FANCB: variants seen among roughly 807,000 people sequenced by gnomAD.
The protein encoded by FANCB is Fanconi anemia group B protein.
Under a neutral mutation model 38.9 loss-of-function variants are expected in FANCB, and 5 were observed. The observed-to-expected ratio is 0.13, with a 90% CI of 0.07 to 0.27. FANCB has a LOEUF of 0.27. Ranked by LOEUF, FANCB falls within the 10% of genes least tolerant of loss-of-function variation. FANCB has a pLI of 1.00. For synonymous variants in FANCB, 236 were observed against 215.4 expected (o/e 1.10, Z -0.84); for missense variants, 573 against 602.7 (o/e 0.95, Z 0.52).
chrX:14,818,631 T>A, the FANCB span, among the ~76,000 whole-genome samples: 709 of 111,102 alleles, frequency 6.4e-3, 8 homozygotes, highest in African/African-American at 0.022. Context: ...CACTATCTGG[T>A]AGAAATATAA....
In FANCB at chrX:14,843,640, C is replaced by T; in HGVS notation, c.2507G>A (p.Arg836Lys). The change falls in exon 10 of 10, where the codon AGA becomes AAA. Residue 836 changes from arginine to lysine, a missense_variant. By Grantham distance (26) the Arg-to-Lys change is conservative. Transcript: ENST00000650831. ...TNLKVSGALY[R>K]EITLKVAEVQ... ...CTCAGCTACTTTCAAAGTTATTTCT[C>T]TGTAAAGGGCACCACTCACTTTTAG... 1 of 1,209,275 alleles carries T rather than the reference C, an allele frequency of 8.3e-7. No individual in the cohort carries two copies. Among genetic ancestry groups the T allele is most frequent in the Non-Finnish European group, 1.1e-6 (1 of 893,868 alleles).
the FANCB span, among the ~76,000 whole-genome samples, chrX:14,806,015 T>C: frequency 8.9e-6 from 1 of 112,468 alleles, no homozygotes; most frequent in Non-Finnish European, 1.9e-5. Flanking sequence ...CAGAAAATGC[T>C]AATCTGAAAA....
chrX:14,704,365 T>TC, the FANCB span, among the ~76,000 whole-genome samples: 1 of 112,239 alleles, frequency 8.9e-6, no homozygotes, highest in African/African-American at 3.2e-5. Context: ...ATTCTTTTTT[T>TC]CCACTTTAAA....
At chrX:14,767,041 T>C in the FANCB span, among the ~76,000 whole-genome samples, 15 of 112,460 alleles carry the variant, frequency 1.3e-4, no homozygotes, top group African/African-American at 4.2e-4. Flanking sequence ...TTTTTATGGC[T>C]GCATACCCCA....
the FANCB span, among the ~76,000 whole-genome samples, chrX:14,771,360 T>G: frequency 1.8e-5 from 2 of 111,614 alleles, no homozygotes; most frequent in Non-Finnish European, 1.9e-5. Flanking sequence ...TTTTCTTGTC[T>G]GCCTGTCTTA....
chrX:14,796,547 A>G, the FANCB span, among the ~76,000 whole-genome samples: 2,675 of 98,418 alleles, frequency 0.027, 95 homozygotes, highest in African/African-American at 0.094. Flanking sequence ...TATGTTATAT[A>G]TAATAAATTA....
the FANCB span, among the ~76,000 whole-genome samples, chrX:14,708,406 G>A: frequency 9.0e-6 from 1 of 111,365 alleles, no homozygotes; most frequent in Non-Finnish European, 1.9e-5. Context: ...GGGGTCATTT[G>A]GTTGCCATGA....
At chrX:14,745,995 C>G in the FANCB span, among the ~76,000 whole-genome samples, 28 of 110,921 alleles carry the variant, frequency 2.5e-4, no homozygotes, top group African/African-American at 9.2e-4. Context: ...CCACCGCACC[C>G]GGCCGAAACT....
At chrX:14,728,572 T>A in the FANCB span, among the ~76,000 whole-genome samples, 1 of 111,990 alleles carries the variant, frequency 8.9e-6, no homozygotes, top group African/African-American at 3.3e-5. Flanking sequence ...TCACACTTGC[T>A]ATCTCTCCAG....
the FANCB span, among the ~76,000 whole-genome samples, chrX:14,735,528 C>T: frequency 8.9e-6 from 1 of 112,113 alleles, no homozygotes; most frequent in Admixed American, 9.4e-5. Flanking sequence ...TGGAGGTCCA[C>T]TCCAGACCCT....
At chrX:14,855,783 G>T (rs1263549871) in intron 5 of FANCB, among the ~76,000 whole-genome samples, 1 of 111,954 alleles carries the variant, frequency 8.9e-6, no homozygotes, top group African/African-American at 3.2e-5. Flanking sequence ...TTCCAGACAG[G>T]ATTTTCTGTT....
At chrX:14,790,103 T>C in the FANCB span, among the ~76,000 whole-genome samples, 2 of 112,057 alleles carry the variant, frequency 1.8e-5, no homozygotes, top group African/African-American at 6.5e-5. Context: ...TCTAGGTTCT[T>C]GGGATATACC....
rs750078094 is a variant in FANCB, at chrX:14,865,481, G to A, written c.30C>T (p.Asn10=). 4 of 1,202,076 alleles carry A rather than the reference G, an allele frequency of 3.3e-6. No individual in the cohort carries two copies. The highest frequency in any genetic ancestry group is 1.8e-5 in the South Asian group (1 of 56,719). The change falls in exon 3 of 10, where the codon AAC becomes AAT. Residue 10 remains asparagine, a synonymous_variant. Coordinates refer to ENST00000650831, the MANE Select transcript of FANCB (RefSeq NM_001018113.3). MTSKQAMSS[N]EQERLLCYNG... is the part of the protein sequence containing the mutation. ...TATAACACAAGAGCCTTTCTTGTTC[G>A]TTAGATGACATTGCTTGTTTGCTAG...
the FANCB span, among the ~76,000 whole-genome samples, chrX:14,756,231 T>G: frequency 9.0e-6 from 1 of 110,695 alleles, no homozygotes; most frequent in African/African-American, 3.3e-5. Context: ...AAAAGAAAAC[T>G]TAGGGGAAAT....
At chrX:14,760,146 TCA>T in the FANCB span, among the ~76,000 whole-genome samples, 2 of 112,155 alleles carry the variant, frequency 1.8e-5, no homozygotes, top group East Asian at 5.6e-4. Context: ...AGGATCAAAT[TCA>T]CACATAACAA....
the FANCB span, among the ~76,000 whole-genome samples, chrX:14,765,497 G>A: frequency 8.9e-6 from 1 of 112,355 alleles, no homozygotes; most frequent in South Asian, 3.7e-4. Flanking sequence ...AGCAAACTCC[G>A]TTCTCCAGTT....
the FANCB span, among the ~76,000 whole-genome samples, chrX:14,825,955 G>A: frequency 8.9e-6 from 1 of 111,988 alleles, no homozygotes; most frequent in Non-Finnish European, 1.9e-5. Flanking sequence ...CTTAGCCCTG[G>A]AAGTTAACAG....
chrX:14,793,430 A>T, the FANCB span, among the ~76,000 whole-genome samples: 1 of 112,314 alleles, frequency 8.9e-6, no homozygotes, highest in Non-Finnish European at 1.9e-5. Flanking sequence ...CAATGAAAAT[A>T]TTCTAAAATT....
the FANCB span, among the ~76,000 whole-genome samples, chrX:14,759,388 G>A: frequency 9.0e-6 from 1 of 111,242 alleles, no homozygotes; most frequent in Non-Finnish European, 1.9e-5. Flanking sequence ...GAAATGTATC[G>A]CAAGAAGATC....
Sources: gnomAD v4.1 joint callset for allele counts (sites outside exome capture counted in the v4.1 genomes callset) on GRCh38, gnomAD v4.1.1 for gene constraint, MANE v1.5 for transcripts, NCBI Gene and HGNC (gene_info 2026-07-23, HGNC 2026-07-21) for gene names.